Variants in FAM217A observed in about 807,000 individuals in gnomAD.
FAM217A encodes the protein protein FAM217A.
In FAM217A, 13 loss-of-function variants were observed where a neutral mutation model predicts 18.5. The observed-to-expected ratio is 0.70, with a 90% confidence interval of 0.46 to 1.12. FAM217A has a LOEUF of 1.12. Ranked by LOEUF, FAM217A falls within the 50% of genes most tolerant of loss-of-function variation. The probability of loss-of-function intolerance (pLI) is 0.00; values close to 1 mark genes in which losing one functional copy is unlikely to be tolerated. For synonymous variants in FAM217A, 161 were observed against 202.8 expected (o/e 0.79, Z 1.75); for missense variants, 560 against 575.4 (o/e 0.97, Z 0.27).
At chr6:4,081,646 C>T (rs1581901971), upstream of FAM217A, among the ~76,000 whole-genome samples, 1 of 152,162 alleles carries the variant, frequency 6.6e-6, no homozygotes, top group African/African-American at 2.4e-5. Flanking sequence ...GTAACCTGAG[C>T]CTTAGATGTA....
upstream of FAM217A, chr6:4,079,465 C>A: frequency 2.5e-6 from 1 of 400,740 alleles, no homozygotes; most frequent in South Asian, 2.1e-5. Flanking sequence ...GGACTTTCCC[C>A]CAGGCGTCCT....
chr6:4,086,571 T>A (rs1368338943), intron 1 of FAM217A, among the ~76,000 whole-genome samples: 3 of 152,182 alleles, frequency 2.0e-5, no homozygotes, highest in African/African-American at 7.2e-5. Context: ...TTAATAGTCT[T>A]AGCCAAAGGT....
rs760991452 is a variant in FAM217A, at chr6:4,069,274, C to G, written c.949G>C (p.Val317Leu). ...TTGGAGGAAGAGGGTCGTTCAGTAA[C>G]TGCTGGAGTACAGAAAGTCGTTTGT... ...RLQTTFCTPA[V>L]TERPSSSKAT... The change falls in exon 7 of 7, where the codon GTT becomes CTT. Residue 317 changes from valine to leucine, a missense_variant. Transcript: ENST00000274673. 5.0e-6 allele frequency: 8 copies of G among 1,614,054 alleles called. No homozygotes were observed. The highest frequency in any genetic ancestry group is 1.3e-5 in the African/African-American group (1 of 75,018).
intron 1 of FAM217A, among the ~76,000 whole-genome samples, chr6:4,078,577 T>G (rs372910451): frequency 6.6e-6 from 1 of 152,146 alleles, no homozygotes; most frequent in East Asian, 1.9e-4. Context: ...CCACCGGGTG[T>G]GTGTCAAGAA....
chr6:4,068,698 A>AT lies in FAM217A; in HGVS notation c.1524dup (p.Ter509IlefsTer20). ...TTGAGATGTATGAAAGAAAAGAGTTATTTTTGTTCAATGGGTGAGCAGCAC... is the reference window on the plus strand; with the variant it reads ...TTGAGATGTATGAAAGAAAAGAGTTATTTTTTGTTCAATGGGTGAGCAGCAC... On this transcript the variant is annotated frameshift_variant, in exon 7 of 7. Coordinates refer to ENST00000274673, the MANE Select transcript of FAM217A (RefSeq NM_173563.3). LOFTEE classifies it high-confidence loss of function. 6.3e-7 allele frequency: 1 copy of AT among 1,589,636 alleles called. No homozygotes were observed. Among genetic ancestry groups the AT allele is most frequent in the Non-Finnish European group, 8.5e-7 (1 of 1,171,134 alleles).
At chr6:4,079,227 G>T, upstream of FAM217A, 1 of 226,102 alleles carries the variant, frequency 4.4e-6, no homozygotes, top group African/African-American at 2.3e-5. Context: ...GGGCCGCGGG[G>T]TCGCCGCCGG....
Position 4,069,065 on chromosome 6 carries a change from T to TA in FAM217A, c.1157dup (p.Ser388LysfsTer10). On this transcript the variant is annotated frameshift_variant, in exon 7 of 7. Transcript: ENST00000274673. LOFTEE classifies it low-confidence loss of function (END_TRUNC). Reference sequence around the variant, plus strand: ...ATTGTTTTGGGGTGGAAGAACTTTTTAGAGACAGTGGTCTAGAATTCCATC... The same window carrying TA: ...ATTGTTTTGGGGTGGAAGAACTTTTTAAGAGACAGTGGTCTAGAATTCCATC... The TA allele has an allele frequency of 6.2e-7, 1 of 1,614,116 alleles. No homozygotes were observed. Among genetic ancestry groups the TA allele is most frequent in the East Asian group, 2.2e-5 (1 of 44,882 alleles).
At chr6:4,078,607 G>T (rs2113881736) in intron 1 of FAM217A, among the ~76,000 whole-genome samples, 1 of 152,280 alleles carries the variant, frequency 6.6e-6, no homozygotes, top group East Asian at 1.9e-4. Context: ...CCAGCTCCTG[G>T]AAAAGGCCAC....
chr6:4,078,863 C>T lies in FAM217A; in HGVS notation c.-46G>A, dbSNP rs1027987383. On this transcript the variant is annotated 5_prime_UTR_variant, in exon 1 of 7. Transcript: ENST00000274673. Reference sequence around the variant, plus strand: ...GGCTCTCAACCCACCGCGCGAAGGCCCACGTGTCCTCCCCGGCGTGCTCTC... The same window carrying T: ...GGCTCTCAACCCACCGCGCGAAGGCTCACGTGTCCTCCCCGGCGTGCTCTC... 9.9e-6 allele frequency: 5 copies of T among 505,454 alleles called. No individual in the cohort carries two copies. In the African/African-American group the frequency reaches 1.0e-4, roughly 10 times the overall value. The allele number at this position is 505,454 out of a possible 1,614,324, so 31.3% of individuals were successfully genotyped here.
Position 4,073,198 on chromosome 6 carries a change from T to A in FAM217A, c.302+77A>T, listed in dbSNP as rs903681328. The A allele has an allele frequency of 7.1e-6, 8 of 1,120,494 alleles. No individual in the cohort carries two copies. In the South Asian group the frequency reaches 7.4e-5, roughly 10 times the overall value. 69.4% of individuals were successfully genotyped at this position (1,120,494 alleles called of 1,614,324 possible). A position where few individuals can be genotyped will look rare whatever the true frequency, so the allele number is the denominator to read the frequency against. On this transcript the variant is annotated intron_variant, in intron 6 of 6. Coordinates refer to ENST00000274673, the MANE Select transcript of FAM217A (RefSeq NM_173563.3). ...TTCTTCTGGTTGTTCATGGTCCTTG[T>A]ATTTCAAATAGTTATCTCATGTGTA...
At position 4,077,462 on chromosome 6, in the gene FAM217A, G is replaced by T. The variant is rs532873370; in HGVS notation, c.-34-14C>A. ...TTCCTTAAAATCCTACACAGATTGC[G>T]GGATAGGCACATTTATGGGTAAGGG... is the stretch of plus-strand genomic sequence containing the variant. On this transcript the variant is annotated splice_polypyrimidine_tract_variant and intron_variant, in intron 1 of 6. Transcript: ENST00000274673. 2 of 1,588,526 alleles carry T rather than the reference G, an allele frequency of 1.3e-6. No homozygotes were observed. Among genetic ancestry groups the T allele is most frequent in the South Asian group, 1.1e-5 (1 of 90,524 alleles).
In FAM217A at chr6:4,069,787, G is replaced by T. The variant is rs763923969; in HGVS notation, c.436C>A (p.Pro146Thr). 1.2e-6 allele frequency: 2 copies of T among 1,614,158 alleles called. No individual in the cohort carries two copies. The highest frequency in any genetic ancestry group is 1.7e-6 in the Non-Finnish European group (2 of 1,180,018). ...QVGPYPGLPM[P>T]LGLCWPYADG... ...GCATAGGGCCAGCAGAGACCTAATG[G>T]CATTGGCAGTCCAGGGTAAGGACCA... is the stretch of plus-strand genomic sequence containing the variant. Residue 146 changes from proline (P) to threonine (T), a missense_variant, in exon 7 of 7, where the codon CCA becomes ACA. Transcript: ENST00000274673.
chr6:4,070,054 C>T, intron 6 of FAM217A, 134 bp from the exon 7 acceptor site: 1 of 589,406 alleles, frequency 1.7e-6, no homozygotes. Flanking sequence ...ATCTAGCTAC[C>T]TGCAACAGAA....
In FAM217A at chr6:4,068,560, T is replaced by C. The variant is rs1769176707; in HGVS notation, c.*136A>G. On this transcript the variant is annotated 3_prime_UTR_variant, in exon 7 of 7. Coordinates refer to ENST00000274673, the MANE Select transcript of FAM217A (RefSeq NM_173563.3). ...CAGCAGTGCTTTTCACAAGTTCTAC[T>C]CCATATCACATCAAGCAACTGTTTG... is the stretch of plus-strand genomic sequence containing the variant. 4.3e-6 allele frequency: 4 copies of C among 931,700 alleles called. No homozygotes were observed. Among genetic ancestry groups the C allele is most frequent in the East Asian group, 2.5e-5 (1 of 39,648 alleles). The allele number at this position is 931,700 out of a possible 1,614,324, so 57.7% of individuals were successfully genotyped here.
chr6:4,086,380 AG>A (rs1450163597), intron 1 of FAM217A, among the ~76,000 whole-genome samples: 2 of 142,058 alleles, frequency 1.4e-5, no homozygotes, highest in African/African-American at 5.2e-5. Flanking sequence ...AGGGAGGCAG[AG>A]GTTGCAGTGA....
At chr6:4,070,035 CAT>C in intron 6 of FAM217A, 115 bp from the exon 7 acceptor site, 1 of 728,878 alleles carries the variant, frequency 1.4e-6, no homozygotes. Flanking sequence ...TTCCCAATGG[CAT>C]ATGTGTATCT....
At chr6:4,079,367 C>A (rs1007465976), upstream of FAM217A, 19 of 271,268 alleles carry the variant, frequency 7.0e-5, no homozygotes, top group Admixed American at 3.7e-4. Context: ...CGCGGGGCTG[C>A]GCAGCCCACT....
At position 4,068,990 on chromosome 6, in the gene FAM217A, G is replaced by T. The variant is rs144365949; in HGVS notation, c.1233C>A (p.Cys411Ter). ...TAGTAGGTTTGAATGAGAGTTCTTG[G>T]CATGGACTTAAAATAGAACTTTTGG... ...KNPKSSILSP[C>*]QELSFKPTIG... Residue 411 changes from cysteine (C) to a stop codon, truncating the protein, a stop_gained, in exon 7 of 7, where the codon TGC becomes TGA. Coordinates refer to ENST00000274673, the MANE Select transcript of FAM217A (RefSeq NM_173563.3). LOFTEE classifies it low-confidence loss of function (END_TRUNC). The T allele has an allele frequency of 2.5e-6, 4 of 1,613,896 alleles. No individual in the cohort carries two copies. In the African/African-American group the frequency reaches 4.0e-5, roughly 16 times the overall value.
chr6:4,082,830 C>T (rs1439084908), upstream of FAM217A, among the ~76,000 whole-genome samples: 1 of 152,230 alleles, frequency 6.6e-6, no homozygotes, highest in Non-Finnish European at 1.5e-5. Flanking sequence ...GCTAAATAAA[C>T]GTGTATGCCT....
Sources: allele counts gnomAD v4.1 joint callset (sites outside exome capture counted in the v4.1 genomes callset), GRCh38; gene constraint gnomAD v4.1.1; transcripts MANE v1.5; gene names NCBI Gene and HGNC (gene_info 2026-07-23, HGNC 2026-07-21).